EYA3: variants seen among roughly 807,000 people sequenced by gnomAD.
EYA3 encodes the protein EYA transcriptional coactivator and phosphatase 3.
In EYA3, 39 loss-of-function variants were observed where a neutral mutation model predicts 80.0. The observed-to-expected ratio is 0.49, with a 90% CI of 0.38 to 0.64. The LOEUF (loss-of-function observed/expected upper bound fraction) is 0.64. EYA3 is among the 30% of genes least tolerant of loss of function. The pLI is 0.00. For synonymous variants in EYA3, 206 were observed against 232.8 expected (o/e 0.88, Z 1.05); for missense variants, 523 against 676.1 (o/e 0.77, Z 2.51).
At chr1:27,995,138 C>T (rs564235200) in intron 13 of EYA3, among the ~76,000 whole-genome samples, 2 of 151,916 alleles carry the variant, frequency 1.3e-5, no homozygotes, top group South Asian at 4.1e-4. Context: ...GGTGTGGTGG[C>T]TCATGTCTAT....
intron 1 of EYA3, among the ~76,000 whole-genome samples, chr1:28,073,125 A>T (rs1278646655): frequency 0.023 from 756 of 32,498 alleles, 28 homozygotes; most frequent in Non-Finnish European, 0.029. Context: ...ATATATATAT[A>T]TATTTTTTTT....
At chr1:28,010,830 G>T in intron 10 of EYA3, 117 bp downstream of exon 10, 2 of 1,227,740 alleles carry the variant, frequency 1.6e-6, no homozygotes, top group South Asian at 1.7e-5. Flanking sequence ...TTTTGCTCAG[G>T]AATTAAAGGG....
intron 13 of EYA3, among the ~76,000 whole-genome samples, chr1:27,996,329 T>G (rs561612668): frequency 6.6e-6 from 1 of 152,194 alleles, no homozygotes; most frequent in Non-Finnish European, 1.5e-5. Flanking sequence ...GATCCCAATA[T>G]GCTAAGAGTG....
chr1:28,040,783 A>G (rs1557604521), intron 4 of EYA3, among the ~76,000 whole-genome samples: 2 of 148,326 alleles, frequency 1.3e-5, no homozygotes, highest in Non-Finnish European at 3.0e-5. Flanking sequence ...CTCTTGCAGA[A>G]GTTCTGATAT....
intron 3 of EYA3, among the ~76,000 whole-genome samples, chr1:28,046,581 GGGAAATCAGACAT>G (rs1459392526): frequency 6.6e-6 from 1 of 151,992 alleles, no homozygotes; most frequent in East Asian, 1.9e-4. Flanking sequence ...TTTAGAGGCT[GGGAAATCAGACAT>G]ACCAGGAAGG....
chr1:28,069,696 T>A (rs1477182263), intron 1 of EYA3, among the ~76,000 whole-genome samples: 1 of 151,772 alleles, frequency 6.6e-6, no homozygotes, highest in Non-Finnish European at 1.5e-5. Flanking sequence ...CCCAAACACA[T>A]ATACACACAG....
At position 28,054,132 on chromosome 1, in the gene EYA3, A is replaced by C. The variant is rs528452260; in HGVS notation, c.33+3862T>G. Among the ~76,000 whole-genome samples, 22 of 152,332 alleles carry C rather than the reference A, an allele frequency of 1.4e-4. No individual in the cohort carries two copies. The South Asian group carries it at 4.3e-3, about 30-fold the overall frequency. On this transcript the variant is annotated intron_variant, in intron 2 of 17. Coordinates refer to ENST00000373871, the MANE Select transcript of EYA3 (RefSeq NM_001990.4). ...CTAGAGGGGTAAAGGGTTTGATCAT[A>C]ACCTAGATGAAATTTCACACAAAAA... is the stretch of plus-strand genomic sequence containing the variant.
In EYA3 at chr1:27,970,353, T is replaced by G. The variant is rs1638684927; in HGVS notation, c.*4113A>C. ...AGACACAGGAGCAAACTATAGAAAA[T>G]AAAAACTTTATTTTTTTCAAGTTTA... On this transcript the variant is annotated 3_prime_UTR_variant, in exon 18 of 18. Coordinates refer to ENST00000373871, the MANE Select transcript of EYA3 (RefSeq NM_001990.4). The G allele has an allele frequency of 6.6e-6, 1 of 152,120 alleles. No individual in the cohort carries two copies. The highest frequency in any genetic ancestry group is 1.5e-5 in the Non-Finnish European group (1 of 68,016). 9.4% of individuals were successfully genotyped at this position (152,120 alleles called of 1,614,324 possible). A position where few individuals can be genotyped will look rare whatever the true frequency, so the allele number is the denominator to read the frequency against.
At chr1:28,070,969 C>A (rs1645000128) in intron 1 of EYA3, among the ~76,000 whole-genome samples, 1 of 152,328 alleles carries the variant, frequency 6.6e-6, no homozygotes, top group Admixed American at 6.5e-5. Flanking sequence ...ATCACCCAGG[C>A]TGGAGTGCAA....
intron 5 of EYA3, among the ~76,000 whole-genome samples, chr1:28,036,293 T>A (rs572146160): frequency 6.6e-6 from 1 of 152,322 alleles, no homozygotes; most frequent in African/African-American, 2.4e-5. Flanking sequence ...GACACAAGGA[T>A]GGATTAAACT....
At chr1:28,086,556 A>G (rs1372026961) in intron 1 of EYA3, among the ~76,000 whole-genome samples, 3 of 152,216 alleles carry the variant, frequency 2.0e-5, no homozygotes, top group Non-Finnish European at 4.4e-5. Flanking sequence ...TATAATCTTT[A>G]TAACTAGATT....
rs1359189783 is a variant in EYA3, at chr1:27,972,331, C to T, written c.*2135G>A. On this transcript the variant is annotated 3_prime_UTR_variant, in exon 18 of 18. Transcript: ENST00000373871. ...ATACAGACCAAGGGAAGGCCTACCT[C>T]ACACTACATCTCCCTCCTCCCAACC... 6.6e-6 allele frequency: 1 copy of T among 152,252 alleles called. No individual in the cohort carries two copies. Among genetic ancestry groups the T allele is most frequent in the Non-Finnish European group, 1.5e-5 (1 of 68,074 alleles). 9.4% of individuals were successfully genotyped at this position (152,252 alleles called of 1,614,324 possible).
intron 11 of EYA3, among the ~76,000 whole-genome samples, chr1:28,002,450 T>C (rs1197335296): frequency 6.6e-6 from 1 of 151,094 alleles, no homozygotes; most frequent in East Asian, 1.9e-4. Flanking sequence ...TTTTATATAT[T>C]TTTATAATCA....
At chr1:28,038,633 A>C (rs952724822) in intron 5 of EYA3, among the ~76,000 whole-genome samples, 1 of 152,136 alleles carries the variant, frequency 6.6e-6, no homozygotes, top group Non-Finnish European at 1.5e-5. Flanking sequence ...GCTTTTGTGT[A>C]AAATGATCCA....
At chr1:27,997,121 C>T (rs909490936) in intron 13 of EYA3, among the ~76,000 whole-genome samples, 199 bp downstream of exon 13, 1 of 152,246 alleles carries the variant, frequency 6.6e-6, no homozygotes, top group Non-Finnish European at 1.5e-5. Context: ...ATTCTTTCTT[C>T]TCGTGCTCCA....
intron 16 of EYA3, among the ~76,000 whole-genome samples, chr1:27,983,471 A>G (rs1050173736): frequency 2.0e-5 from 3 of 152,212 alleles, no homozygotes; most frequent in African/African-American, 7.2e-5. Context: ...TGGAGAATGT[A>G]CCACATTTAA....
chr1:28,035,662 G>A lies in EYA3; in HGVS notation c.243C>T (p.Leu81=). The change falls in exon 6 of 18, where the codon CTC becomes CTT. Residue 81 remains leucine (L), a synonymous_variant. Coordinates refer to ENST00000373871, the MANE Select transcript of EYA3 (RefSeq NM_001990.4). ...MYSAKPYAHI[L]SVPVSETAYP... is the part of the protein sequence containing the mutation. ...AAGCAGTTTCCGAAACAGGAACTGA[G>A]AGAATATGTGCATAAGGTCTGGAAA... 4 of 1,614,054 alleles carry A rather than the reference G, an allele frequency of 2.5e-6. No individual in the cohort carries two copies. Among genetic ancestry groups the A allele is most frequent in the Non-Finnish European group, 3.4e-6 (4 of 1,180,000 alleles).
At chr1:28,027,041 T>C (rs746115810) in intron 7 of EYA3, among the ~76,000 whole-genome samples, 2 of 152,210 alleles carry the variant, frequency 1.3e-5, no homozygotes, top group African/African-American at 2.4e-5. Flanking sequence ...CTATCTATTT[T>C]ATAAGAAATA....
chr1:28,073,029 G>A (rs1030595809), intron 1 of EYA3, among the ~76,000 whole-genome samples: 3 of 144,244 alleles, frequency 2.1e-5, no homozygotes, highest in Admixed American at 1.4e-4. Flanking sequence ...ATTAGTGGTT[G>A]CCAGTGTTGG....
Sources: allele counts gnomAD v4.1 joint callset (sites outside exome capture counted in the v4.1 genomes callset), GRCh38; gene constraint gnomAD v4.1.1; transcripts MANE v1.5; gene names NCBI Gene and HGNC (gene_info 2026-07-23, HGNC 2026-07-21).